ATP6V1E1: variants seen among roughly 807,000 people sequenced by gnomAD.
The protein encoded by ATP6V1E1 is V-type proton ATPase subunit E 1.
ATP6V1E1 carries 21 observed loss-of-function variants against 35.2 expected under a neutral mutation model. The observed-to-expected ratio is 0.60, with a 90% CI of 0.42 to 0.86. The LOEUF (loss-of-function observed/expected upper bound fraction) is 0.86, where lower values mean the gene tolerates loss of function less well. Ranked by LOEUF, ATP6V1E1 falls within the 40% of genes least tolerant of loss-of-function variation. The pLI is 0.00. For synonymous variants in ATP6V1E1, 83 were observed against 87.8 expected, an observed-to-expected ratio of 0.95 and a Z score of 0.30; for missense variants, 183 against 272.6, an observed-to-expected ratio of 0.67 and a Z score of 2.32.
intron 1 of ATP6V1E1, among the ~76,000 whole-genome samples, chr22:17,623,947 A>G (rs2057890892): frequency 6.6e-6 from 1 of 152,144 alleles, no homozygotes; most frequent in Non-Finnish European, 1.5e-5. Context: ...TCCACCCCTA[A>G]GGCAGAAAAT....
At chr22:17,595,453 A>G (rs781665761) in intron 7 of ATP6V1E1, among the ~76,000 whole-genome samples, 2 of 152,232 alleles carry the variant, frequency 1.3e-5, no homozygotes, top group Non-Finnish European at 2.9e-5. Flanking sequence ...AAATCACTCA[A>G]TCCTCATCTG....
At chr22:17,613,412 A>C in intron 2 of ATP6V1E1, 92 bp from the exon 3 acceptor site, 2 of 928,696 alleles carry the variant, frequency 2.2e-6, no homozygotes, top group Non-Finnish European at 3.4e-6. Context: ...GCTTATGAAC[A>C]CTAATTTCAT....
At chr22:17,596,819 A>G (rs1444249869) in intron 7 of ATP6V1E1, among the ~76,000 whole-genome samples, 1 of 152,066 alleles carries the variant, frequency 6.6e-6, no homozygotes, top group Non-Finnish European at 1.5e-5. Flanking sequence ...ATGAAACAAA[A>G]AAGCAAAAAG....
At chr22:17,616,655 G>A (rs1281716933) in intron 2 of ATP6V1E1, among the ~76,000 whole-genome samples, 1 of 143,830 alleles carries the variant, frequency 7.0e-6, no homozygotes, top group Non-Finnish European at 1.5e-5. Flanking sequence ...CTCCAGTCTG[G>A]GCAACAAGAA....
intron 1 of ATP6V1E1, 22 bp downstream of exon 1, chr22:17,628,575 CTTCGTA>C: frequency 6.2e-7 from 1 of 1,613,998 alleles, no homozygotes; most frequent in South Asian, 1.1e-5. Context: ...GCCGCCGCGG[CTTCGTA>C]AGACCCAACC....
At chr22:17,617,139 GA>G (rs199793946) in intron 2 of ATP6V1E1, among the ~76,000 whole-genome samples, 1,556 of 152,134 alleles carry the variant, frequency 0.01, 15 homozygotes, top group Non-Finnish European at 0.014. Flanking sequence ...TAGTGAGAGG[GA>G]AAATAGTCTT....
At chr22:17,609,464 C>CTTTT (rs61116267) in intron 4 of ATP6V1E1, among the ~76,000 whole-genome samples, 6 of 90,708 alleles carry the variant, frequency 6.6e-5, no homozygotes, top group African/African-American at 1.9e-4. Context: ...CCATCCTGCT[C>CTTTT]TTTTTTTTTT....
intron 4 of ATP6V1E1, among the ~76,000 whole-genome samples, chr22:17,607,868 G>C (rs1181956213): frequency 6.6e-6 from 1 of 152,132 alleles, no homozygotes; most frequent in Non-Finnish European, 1.5e-5. Flanking sequence ...TAAAGTTAGA[G>C]AATTAGCCAA....
chr22:17,599,105 G>GGAGAA (rs112092538), intron 6 of ATP6V1E1, among the ~76,000 whole-genome samples: 1 of 152,008 alleles, frequency 6.6e-6, no homozygotes, highest in African/African-American at 2.4e-5. Context: ...GGTGAATGGG[G>GGAGAA]GAGAAGAGAA....
intron 4 of ATP6V1E1, among the ~76,000 whole-genome samples, chr22:17,602,122 C>T (rs2057764879): frequency 6.6e-6 from 1 of 151,958 alleles, no homozygotes; most frequent in Non-Finnish European, 1.5e-5. Context: ...ACCCAGGCTG[C>T]TCTTGAACTC....
intron 1 of ATP6V1E1, among the ~76,000 whole-genome samples, chr22:17,626,557 G>C: frequency 7.6e-6 from 1 of 131,880 alleles, no homozygotes; most frequent in East Asian, 2.3e-4. Flanking sequence ...TTTTTTTTTT[G>C]AGACAGTCTC....
At chr22:17,599,973 G>A in intron 6 of ATP6V1E1, 54 bp downstream of exon 6, 1 of 1,199,648 alleles carries the variant, frequency 8.3e-7, no homozygotes, top group Non-Finnish European at 1.2e-6. Flanking sequence ...GAGAGGGGAA[G>A]GAAGAAAGGG....
chr22:17,626,012 C>T (rs2057902488), intron 1 of ATP6V1E1, among the ~76,000 whole-genome samples: 1 of 151,858 alleles, frequency 6.6e-6, no homozygotes, highest in Non-Finnish European at 1.5e-5. Flanking sequence ...TAAATGTAAG[C>T]AAAAGGGGTC....
intron 2 of ATP6V1E1, chr22:17,618,929 G>A (rs1158838982): frequency 4.5e-6 from 2 of 445,138 alleles, no homozygotes; most frequent in Non-Finnish European, 9.0e-6. Context: ...GAACCCGGGA[G>A]GCAGAGGTTG....
rs1449356836 is a variant in ATP6V1E1 at position 17,603,853 on chromosome 22, T to C, written c.277-2672A>G. Among the ~76,000 whole-genome samples the C allele has an allele frequency of 3.9e-5, 6 of 152,086 alleles. No homozygotes were observed. In the East Asian group the frequency reaches 9.6e-4, roughly 24 times the overall value. The stretch of plus-strand genomic sequence containing the variant: ...CCCCACCAAAAGAGCCCTCTAACAT[T>C]TTTCCTCTCTGTGCTGGAATCACCC... On this transcript the variant is annotated intron_variant, in intron 4 of 8. Transcript: ENST00000253413.
intron 1 of ATP6V1E1, among the ~76,000 whole-genome samples, chr22:17,620,790 A>G (rs5992764): frequency 0.53 from 80,585 of 151,828 alleles, 22,461 homozygotes; most frequent in African/African-American, 0.69. Flanking sequence ...CCGGCCGGGC[A>G]TGGTGGCTCA....
Position 17,596,643 on chromosome 22 carries a change from G to A in ATP6V1E1, c.530+1551C>T, listed in dbSNP as rs543278209. ...TCTGTTATAGCAACACTAAATGGAC[G>A]ACACCACTCAATGAAACTGAATAAA... is the stretch of plus-strand genomic sequence containing the variant. On this transcript the variant is annotated intron_variant, in intron 7 of 8. Coordinates refer to ENST00000253413, the MANE Select transcript of ATP6V1E1 (RefSeq NM_001696.4). Among the ~76,000 whole-genome samples the A allele has an allele frequency of 1.6e-4, 25 of 152,070 alleles. No homozygotes were observed. The South Asian group carries it at 2.3e-3, about 14-fold the overall frequency.
At chr22:17,596,000 C>T (rs950050176) in intron 7 of ATP6V1E1, among the ~76,000 whole-genome samples, 16 of 150,606 alleles carry the variant, frequency 1.1e-4, no homozygotes, top group Non-Finnish European at 1.5e-4. Context: ...GGCATGGTGG[C>T]GGGTGCCTGT....
chr22:17,612,987 C>A, intron 3 of ATP6V1E1, 109 bp from the exon 4 acceptor site: 1 of 1,115,738 alleles, frequency 9.0e-7, no homozygotes, highest in South Asian at 1.5e-5. Flanking sequence ...CCCAAAGCAC[C>A]AGGATTACAA....
Sources: gnomAD v4.1 joint callset for allele counts (sites outside exome capture counted in the v4.1 genomes callset) on GRCh38, gnomAD v4.1.1 for gene constraint, MANE v1.5 for transcripts, NCBI Gene and HGNC (gene_info 2026-07-23, HGNC 2026-07-21) for gene names.